The following SFT2D1 variants were observed in gnomAD, a reference collection of about 807,000 sequenced individuals.
SFT2D1 encodes SFT2 domain containing 1.
Under a neutral mutation model 28.1 loss-of-function variants are expected in SFT2D1, and 24 were observed. The observed-to-expected ratio is 0.85, with a 90% CI of 0.62 to 1.20. The LOEUF (loss-of-function observed/expected upper bound fraction) is 1.20. Among genes scored for constraint, SFT2D1 ranks in the 50% most tolerant of loss-of-function variants. The probability of loss-of-function intolerance (pLI) is 0.00; values close to 1 mark genes in which losing one functional copy is unlikely to be tolerated. For synonymous variants in SFT2D1, 82 were observed against 73.7 expected, an observed-to-expected ratio of 1.11 and a Z score of -0.58; for missense variants, 181 against 190.9, an observed-to-expected ratio of 0.95 and a Z score of 0.31.
chr6:166,341,461 A>C (rs2114918089), intron 1 of SFT2D1, among the ~76,000 whole-genome samples: 1 of 152,124 alleles, frequency 6.6e-6, no homozygotes, highest in South Asian at 2.1e-4. Context: ...AAAAAAAAAA[A>C]AAAAAAATTC....
Position 166,338,689 on chromosome 6 carries a change from G to C in SFT2D1, c.63+3730C>G, listed in dbSNP as rs7761130. ...AGCACTGGGGAGAGGGTGGGGAGGC[G>C]GGCCGACAAGCAGTGCAGGGCTGAG... On this transcript the variant is annotated intron_variant, in intron 1 of 7. Transcript: ENST00000361731. 1.8e-4 allele frequency among the ~76,000 whole-genome samples: 27 copies of C among 152,148 alleles called. No homozygotes were observed. In the East Asian group the frequency reaches 4.1e-3, roughly 23 times the overall value.
chr6:166,322,976 C>T (rs919379997), intron 6 of SFT2D1, 90 bp from the exon 7 acceptor site: 2 of 1,047,180 alleles, frequency 1.9e-6, no homozygotes, highest in Non-Finnish European at 3.0e-6. Context: ...ATAATAAATA[C>T]AGCAGCATGA....
intron 7 of SFT2D1, 120 bp from the exon 8 acceptor site, chr6:166,320,376 T>C (rs1778328557): frequency 2.8e-6 from 2 of 718,622 alleles, no homozygotes; most frequent in African/African-American, 1.8e-5. Context: ...AACACACTTT[T>C]TGATTAATAA....
At chr6:166,336,981 G>A (rs1012204258) in intron 1 of SFT2D1, among the ~76,000 whole-genome samples, 2 of 152,176 alleles carry the variant, frequency 1.3e-5, no homozygotes, top group African/African-American at 4.8e-5. Flanking sequence ...AATTCTGGGG[G>A]GGACACAGAC....
At position 166,320,272 on chromosome 6, in the gene SFT2D1, G is replaced by A. The variant is rs1330464511; in HGVS notation, c.441-16C>T. On this transcript the variant is annotated splice_polypyrimidine_tract_variant and intron_variant, in intron 7 of 7. Transcript: ENST00000361731. ...AACTGCATCCCTGGTGGAAAAGAGA[G>A]GGAAAAAAACAGAATATAATATTCC... 6.2e-7 allele frequency: 1 copy of A among 1,605,524 alleles called. No individual in the cohort carries two copies. The highest frequency in any genetic ancestry group is 8.5e-7 in the Non-Finnish European group (1 of 1,176,280).
chr6:166,338,955 C>G (rs1359044696), intron 1 of SFT2D1, among the ~76,000 whole-genome samples: 2 of 152,116 alleles, frequency 1.3e-5, no homozygotes, highest in Non-Finnish European at 2.9e-5. Context: ...TCCCCTATGA[C>G]CTTCACTGCC....
intron 1 of SFT2D1, among the ~76,000 whole-genome samples, chr6:166,335,716 G>A (rs114264023): frequency 0.024 from 3,685 of 152,310 alleles, 118 homozygotes; most frequent in South Asian, 0.077. Context: ...GGTGGTTCTA[G>A]TAGCAGCAGT....
In SFT2D1 at chr6:166,319,795, T is replaced by G. The variant is rs1778311687; in HGVS notation, c.*422A>C. 1 of 152,320 alleles carries G rather than the reference T, an allele frequency of 6.6e-6. No homozygotes were observed. 9.4% of individuals were successfully genotyped at this position (152,320 alleles called of 1,614,324 possible). A position where few individuals can be genotyped will look rare whatever the true frequency, so the allele number is the denominator to read the frequency against. On this transcript the variant is annotated 3_prime_UTR_variant, in exon 8 of 8. Transcript: ENST00000361731. Reference sequence around the variant, plus strand: ...TATATATTATTTTTATTACATATAATAAGCAATTTTTAGCTTAAAATAAGT... The same window carrying G: ...TATATATTATTTTTATTACATATAAGAAGCAATTTTTAGCTTAAAATAAGT...
chr6:166,340,311 T>A (rs1042125109), intron 1 of SFT2D1, among the ~76,000 whole-genome samples: 2 of 152,198 alleles, frequency 1.3e-5, no homozygotes, highest in Non-Finnish European at 2.9e-5. Context: ...GCCAGAGTGA[T>A]CCTTTAAAAT....
At chr6:166,322,777 T>C in intron 7 of SFT2D1, 80 bp downstream of exon 7, 1 of 1,169,584 alleles carries the variant, frequency 8.6e-7, no homozygotes, top group South Asian at 1.3e-5. Context: ...AGTATTTTTA[T>C]GTAAAAATTA....
At chr6:166,338,090 T>C (rs1178817330) in intron 1 of SFT2D1, among the ~76,000 whole-genome samples, 3 of 152,170 alleles carry the variant, frequency 2.0e-5, no homozygotes, top group Non-Finnish European at 4.4e-5. Context: ...AAGAAATAAA[T>C]TTCTGTTGTT....
At chr6:166,335,515 C>T (rs1213817821) in intron 1 of SFT2D1, 13 of 467,996 alleles carry the variant, frequency 2.8e-5, no homozygotes, top group Non-Finnish European at 4.9e-5. Flanking sequence ...ACGGTGGTTC[C>T]AGTAGCAACA....
At chr6:166,321,557 A>C (rs1562440959) in intron 7 of SFT2D1, among the ~76,000 whole-genome samples, 1 of 151,786 alleles carries the variant, frequency 6.6e-6, no homozygotes, top group Non-Finnish European at 1.5e-5. Context: ...TCTCCTTGTA[A>C]GTATCTATCA....
rs535693933 is a variant in SFT2D1, at chr6:166,326,871, A to T, written c.316-704T>A. Among the ~76,000 whole-genome samples, 12 of 152,372 alleles carry T rather than the reference A, an allele frequency of 7.9e-5. No individual in the cohort carries two copies. The South Asian group carries it at 2.3e-3, about 29-fold the overall frequency. ...AGGGGTAAGTGCCAGGATTTCTTAA[A>T]TAAAACTAACTAAAATCTTAGTGGA... On this transcript the variant is annotated intron_variant, in intron 4 of 7. Coordinates refer to ENST00000361731, the MANE Select transcript of SFT2D1 (RefSeq NM_145169.3).
intron 4 of SFT2D1, among the ~76,000 whole-genome samples, chr6:166,328,003 G>C (rs754187756): frequency 7.9e-5 from 12 of 151,824 alleles, no homozygotes; most frequent in Non-Finnish European, 1.5e-4. Flanking sequence ...TCATTATATT[G>C]GTCAGGCTGG....
At chr6:166,324,666 T>C in intron 5 of SFT2D1, 71 bp from the exon 6 acceptor site, 2 of 1,390,424 alleles carry the variant, frequency 1.4e-6, no homozygotes, top group Non-Finnish European at 2.0e-6. Flanking sequence ...TCAAACTTAA[T>C]TCTTGTCTTT....
At chr6:166,325,458 T>C (rs1308539736) in intron 5 of SFT2D1, among the ~76,000 whole-genome samples, 2 of 152,214 alleles carry the variant, frequency 1.3e-5, no homozygotes, top group Non-Finnish European at 1.5e-5. Context: ...ATTGTAACAA[T>C]GTGACTTCTT....
At chr6:166,339,368 A>T (rs1778726695) in intron 1 of SFT2D1, among the ~76,000 whole-genome samples, 1 of 151,704 alleles carries the variant, frequency 6.6e-6, no homozygotes, top group Non-Finnish European at 1.5e-5. Context: ...CCTAGCAACA[A>T]TTCCCTCTTG....
At chr6:166,327,722 CGCA>C (rs1279190956) in intron 4 of SFT2D1, among the ~76,000 whole-genome samples, 1 of 152,116 alleles carries the variant, frequency 6.6e-6, no homozygotes, top group Non-Finnish European at 1.5e-5. Context: ...ATGCCATATA[CGCA>C]GCAGAAGCAG....
Sources: gnomAD v4.1 joint callset for allele counts (sites outside exome capture counted in the v4.1 genomes callset) on GRCh38, gnomAD v4.1.1 for gene constraint, MANE v1.5 for transcripts, NCBI Gene and HGNC (gene_info 2026-07-23, HGNC 2026-07-21) for gene names.